The following ROBO1 variants were observed in gnomAD, a reference collection of about 807,000 sequenced individuals.
The protein encoded by ROBO1 is roundabout guidance receptor 1, also known as roundabout homolog 1.
In ROBO1, 149 loss-of-function variants were observed where a neutral mutation model predicts 195.9. That is an observed-to-expected ratio of 0.76 (90% confidence interval 0.67 to 0.87). The LOEUF (loss-of-function observed/expected upper bound fraction) is 0.87. Ranked by LOEUF, ROBO1 falls within the 40% of genes least tolerant of loss-of-function variation. The pLI is 0.00. For synonymous variants in ROBO1, 816 were observed against 733.2 expected (o/e 1.11, Z -1.82); for missense variants, 1,933 against 2,068.3 (o/e 0.93, Z 1.27).
rs746846950 is a variant in ROBO1 at position 79,125,540 on chromosome 3, C to T, written c.89-1G>A. The T allele has an allele frequency of 6.2e-7, 1 of 1,613,088 alleles. No homozygotes were observed. Among genetic ancestry groups the T allele is most frequent in the South Asian group, 1.1e-5 (1 of 90,912 alleles). ...TTCCCCCTCTCTACATCTTCAGGGT[C>T]TGTCGGAAACAACACCAGAGCTGCT... On this transcript the variant is annotated splice_acceptor_variant, in intron 2 of 30. Transcript: ENST00000464233. LOFTEE classifies it high-confidence loss of function.
At chr3:79,166,119 C>T (rs532498881) in intron 2 of ROBO1, among the ~76,000 whole-genome samples, 3 of 152,300 alleles carry the variant, frequency 2.0e-5, no homozygotes, top group Non-Finnish European at 4.4e-5. Flanking sequence ...TGCAATGTGT[C>T]TTCTACTGGT....
chr3:79,679,226 T>C (rs921331571), intron 1 of ROBO1, among the ~76,000 whole-genome samples: 1 of 152,012 alleles, frequency 6.6e-6, no homozygotes, highest in Non-Finnish European at 1.5e-5. Flanking sequence ...AGTAGAGAAA[T>C]GCTTAAGTTA....
At chr3:79,299,374 T>C (rs1470777004) in intron 2 of ROBO1, among the ~76,000 whole-genome samples, 1 of 152,132 alleles carries the variant, frequency 6.6e-6, no homozygotes, top group African/African-American at 2.4e-5. Flanking sequence ...GGGATTAACA[T>C]GTGGCTTATT....
At position 78,960,789 on chromosome 3, in the gene ROBO1, C is replaced by CAA. The variant is rs112826758; in HGVS notation, c.173-21863_173-21862insTT. Among the ~76,000 whole-genome samples, 1,095 of 109,750 alleles carry CAA rather than the reference C, an allele frequency of 1.0e-2. 23 individuals are homozygous for CAA. The highest frequency in any genetic ancestry group is 0.028 in the African/African-American group (853 of 30,334). 72.0% of individuals were successfully genotyped at this position (109,750 alleles called of 152,430 possible). A position where few individuals can be genotyped will look rare whatever the true frequency, so the allele number is the denominator to read the frequency against. ...GAGACTCCGTATTAAAACACACACA[C>CAA]ACACACACACACACACACACACACA... On this transcript the variant is annotated intron_variant, in intron 3 of 30. Transcript: ENST00000464233.
intron 2 of ROBO1, among the ~76,000 whole-genome samples, chr3:79,529,046 G>T (rs1209575493): frequency 2.0e-5 from 3 of 152,106 alleles, no homozygotes; most frequent in African/African-American, 7.2e-5. Context: ...AATACTTTTT[G>T]TTAGTTTATA....
At chr3:79,426,906 T>G (rs548971039) in intron 2 of ROBO1, among the ~76,000 whole-genome samples, 1 of 152,262 alleles carries the variant, frequency 6.6e-6, no homozygotes, top group Non-Finnish European at 1.5e-5. Context: ...ACCAGATTAT[T>G]TATTGTCTGT....
chr3:78,885,709 C>G (rs902783919), intron 4 of ROBO1, among the ~76,000 whole-genome samples: 3 of 150,960 alleles, frequency 2.0e-5, no homozygotes, highest in African/African-American at 7.3e-5. Context: ...AAATGTGACA[C>G]AGAGAGGTTT....
intron 2 of ROBO1, 50 bp from the exon 3 acceptor site, chr3:79,125,589 AG>A: frequency 7.0e-7 from 1 of 1,423,672 alleles, no homozygotes; most frequent in East Asian, 2.3e-5. Context: ...TAGTAACAGT[AG>A]TTGCCATTTC....
intron 2 of ROBO1, among the ~76,000 whole-genome samples, chr3:79,225,940 C>T (rs1170660466): frequency 6.6e-6 from 1 of 152,130 alleles, no homozygotes; most frequent in Non-Finnish European, 1.5e-5. Flanking sequence ...CCCATCTCAA[C>T]CCTCAGTCAA....
At chr3:79,749,737 T>C (rs927075051) in intron 1 of ROBO1, among the ~76,000 whole-genome samples, 7 of 152,122 alleles carry the variant, frequency 4.6e-5, no homozygotes, top group Non-Finnish European at 1.0e-4. Flanking sequence ...TGCACAGAAG[T>C]CAATAATTGA....
chr3:79,181,983 AT>A (rs1404538056), intron 2 of ROBO1, among the ~76,000 whole-genome samples: 1 of 150,372 alleles, frequency 6.7e-6, no homozygotes, highest in African/African-American at 2.4e-5. Context: ...TATTATATAT[AT>A]TTTATTCACT....
At chr3:79,148,788 C>G (rs1368634118) in intron 2 of ROBO1, among the ~76,000 whole-genome samples, 2 of 151,912 alleles carry the variant, frequency 1.3e-5, no homozygotes, top group Non-Finnish European at 2.9e-5. Context: ...CACTGAAATA[C>G]TGAATTCCTA....
chr3:79,694,173 G>A (rs1417576080), intron 1 of ROBO1, among the ~76,000 whole-genome samples: 5 of 151,710 alleles, frequency 3.3e-5, no homozygotes, highest in Admixed American at 6.6e-5. Context: ...GGAATGATGG[G>A]AGGATGCACA....
intron 4 of ROBO1, among the ~76,000 whole-genome samples, chr3:78,772,771 T>G (rs2108437298): frequency 6.6e-6 from 1 of 152,184 alleles, no homozygotes; most frequent in African/African-American, 2.4e-5. Context: ...AGGTTTGTAT[T>G]AAGAATTGAA....
intron 2 of ROBO1, among the ~76,000 whole-genome samples, chr3:79,361,801 T>C (rs1196419122): frequency 6.6e-6 from 1 of 152,118 alleles, no homozygotes; most frequent in Non-Finnish European, 1.5e-5. Context: ...ACTTTTTTAT[T>C]CAATGTAACC....
intron 2 of ROBO1, among the ~76,000 whole-genome samples, chr3:79,378,933 T>G (rs565956870): frequency 6.6e-6 from 1 of 152,318 alleles, no homozygotes; most frequent in East Asian, 1.9e-4. Context: ...ACATTCCTCA[T>G]CTGCAAAGCG....
chr3:79,247,486 A>G (rs1049749096), intron 2 of ROBO1, among the ~76,000 whole-genome samples: 2 of 151,868 alleles, frequency 1.3e-5, no homozygotes, highest in African/African-American at 4.8e-5. Flanking sequence ...GTATCTAGAG[A>G]GTTCATTTAC....
chr3:79,626,879 T>A (rs1462576829), intron 1 of ROBO1, among the ~76,000 whole-genome samples: 1 of 151,944 alleles, frequency 6.6e-6, no homozygotes, highest in African/African-American at 2.4e-5. Context: ...GAGAGCCAAA[T>A]CTTGAATGAA....
intron 1 of ROBO1, among the ~76,000 whole-genome samples, chr3:79,602,037 A>C (rs1255493839): frequency 6.6e-6 from 1 of 151,952 alleles, no homozygotes; most frequent in Admixed American, 6.6e-5. Context: ...TAATACTTAA[A>C]TGAGCTGCAA....
Sources: gnomAD v4.1 joint callset for allele counts (sites outside exome capture counted in the v4.1 genomes callset) on GRCh38, gnomAD v4.1.1 for gene constraint, MANE v1.5 for transcripts, NCBI Gene and HGNC (gene_info 2026-07-23, HGNC 2026-07-21) for gene names.